CIMAP1D: variants seen among roughly 807,000 people sequenced by gnomAD.
CIMAP1D encodes CIMAP1 family member D, also known as protein CIMAP1D.
chr19:484,426 C>A, the CIMAP1D span, among the ~76,000 whole-genome samples: 1 of 152,182 alleles, frequency 6.6e-6, no homozygotes, highest in Non-Finnish European at 1.5e-5. Flanking sequence ...CAGGCATGAG[C>A]CACCGCGCCT....
the CIMAP1D span, among the ~76,000 whole-genome samples, chr19:466,449 ATGGGTGGG>A: frequency 9.5e-6 from 1 of 105,578 alleles, no homozygotes; most frequent in Admixed American, 9.4e-5. Flanking sequence ...AGATGGCTGG[ATGGGTGGG>A]TGGGTGGATG....
At chr19:488,633 A>G in the CIMAP1D span, among the ~76,000 whole-genome samples, 2 of 152,030 alleles carry the variant, frequency 1.3e-5, no homozygotes, top group Non-Finnish European at 2.9e-5. Flanking sequence ...GGTGACCCTG[A>G]CCCGCGAAGC....
chr19:482,504 G>C, the CIMAP1D span, among the ~76,000 whole-genome samples: 39,325 of 152,122 alleles, frequency 0.26, 5,108 homozygotes, highest in East Asian at 0.28. Flanking sequence ...TTCCTCCCAA[G>C]AGAAGACCCT....
chr19:475,033 T>G, the CIMAP1D span: 3 of 334,880 alleles, frequency 9.0e-6, no homozygotes, highest in Non-Finnish European at 1.6e-5. Context: ...GTCAGCAGAG[T>G]GCGTCTCCCG....
At chr19:479,415 G>T in the CIMAP1D span, among the ~76,000 whole-genome samples, 3 of 141,508 alleles carry the variant, frequency 2.1e-5, no homozygotes, top group Non-Finnish European at 1.5e-5. Flanking sequence ...TTTTTTTGGG[G>T]GGGGGGGGGA....
the CIMAP1D span, chr19:464,136 C>CGGGGGGGGGGG: frequency 2.0e-6 from 2 of 986,800 alleles, no homozygotes; most frequent in South Asian, 4.5e-5. Flanking sequence ...CTGCGGGGGG[C>CGGGGGGGGGGG]GGGCGGGGGG....
the CIMAP1D span, among the ~76,000 whole-genome samples, chr19:484,899 G>A: frequency 0.014 from 2,106 of 152,280 alleles, 31 homozygotes; most frequent in African/African-American, 0.033. Flanking sequence ...AATTGGGTTT[G>A]AAGGAATCGA....
the CIMAP1D span, among the ~76,000 whole-genome samples, chr19:465,841 T>A: frequency 9.3e-6 from 1 of 107,592 alleles, no homozygotes; most frequent in Non-Finnish European, 1.9e-5. Context: ...GGTGGATGGA[T>A]GTGTGGATAG....
chr19:467,620 T>A, the CIMAP1D span: 13 of 1,438,288 alleles, frequency 9.0e-6, no homozygotes, highest in Non-Finnish European at 1.2e-5. Context: ...AAGCAGGTCC[T>A]TGTGCGGCTG....
At chr19:468,465 C>G in the CIMAP1D span, among the ~76,000 whole-genome samples, 1 of 152,134 alleles carries the variant, frequency 6.6e-6, no homozygotes, top group Non-Finnish European at 1.5e-5. Flanking sequence ...GAGGGGGGCT[C>G]GGCGTTGGAC....
At chr19:487,691 CA>C in the CIMAP1D span, among the ~76,000 whole-genome samples, 24 of 152,180 alleles carry the variant, frequency 1.6e-4, no homozygotes, top group African/African-American at 5.3e-4. Flanking sequence ...AAGCATGAGG[CA>C]GGGGGGATCA....
At chr19:490,642 CCGTTTCTAAGTTGATATT>C in the CIMAP1D span, among the ~76,000 whole-genome samples, 1 of 152,226 alleles carries the variant, frequency 6.6e-6, no homozygotes, top group Non-Finnish European at 1.5e-5. Context: ...ATAGCTGCGT[CCGTTTCTAAGTTGATATT>C]CGTGTTAGAA....
the CIMAP1D span, among the ~76,000 whole-genome samples, chr19:479,837 C>T: frequency 6.6e-6 from 1 of 151,772 alleles, no homozygotes; most frequent in East Asian, 1.9e-4. Flanking sequence ...TGCCCGGCCC[C>T]TTCTTCTCTC....
the CIMAP1D span, among the ~76,000 whole-genome samples, chr19:467,266 G>T: frequency 6.6e-6 from 1 of 151,838 alleles, no homozygotes; most frequent in Admixed American, 6.6e-5. Context: ...GATAGATGGT[G>T]GGTGAGTGGG....
the CIMAP1D span, among the ~76,000 whole-genome samples, chr19:485,812 G>C: frequency 2.6e-5 from 4 of 152,348 alleles, no homozygotes; most frequent in East Asian, 7.7e-4. Flanking sequence ...GAGAGGGGGA[G>C]GCCAGGTGTT....
chr19:488,531 A>T, the CIMAP1D span, among the ~76,000 whole-genome samples: 2 of 152,230 alleles, frequency 1.3e-5, no homozygotes, highest in African/African-American at 4.8e-5. Context: ...CAAAAAAATA[A>T]CAAGTAAATC....
chr19:467,760 G>T, the CIMAP1D span: 1 of 1,588,528 alleles, frequency 6.3e-7, no homozygotes, highest in Admixed American at 1.7e-5. Flanking sequence ...TCCTGAGGTG[G>T]TGCTGGGGAG....
At chr19:491,226 A>G in the CIMAP1D span, among the ~76,000 whole-genome samples, 100 of 151,742 alleles carry the variant, frequency 6.6e-4, 1 homozygote, top group Middle Eastern at 3.4e-3. Flanking sequence ...GCAGTGAGCC[A>G]AGATCTCACC....
At chr19:475,775 A>T in the CIMAP1D span, among the ~76,000 whole-genome samples, 3 of 104,680 alleles carry the variant, frequency 2.9e-5, no homozygotes, top group Non-Finnish European at 7.0e-5. Context: ...TTTGCAGTGT[A>T]ATTTTTTTTT....
Sources: gnomAD v4.1 joint callset for allele counts (sites outside exome capture counted in the v4.1 genomes callset) on GRCh38, gnomAD v4.1.1 for gene constraint, MANE v1.5 for transcripts, NCBI Gene and HGNC (gene_info 2026-07-23, HGNC 2026-07-21) for gene names.